The following PABIR3 variants were observed in gnomAD, a reference collection of about 807,000 sequenced individuals.
The protein encoded by PABIR3 is PABIR family member 1.
In PABIR3, 20 loss-of-function variants were observed where a neutral mutation model predicts 23.1. That is an observed-to-expected ratio of 0.86 (90% CI 0.61 to 1.26). The LOEUF (loss-of-function observed/expected upper bound fraction) is 1.26. Ranked by LOEUF, PABIR3 falls within the 50% of genes most tolerant of loss-of-function variation. The probability of loss-of-function intolerance (pLI) is 0.00; values close to 1 mark genes in which losing one functional copy is unlikely to be tolerated. For missense variants in PABIR3, 189 were observed against 195.4 expected (o/e 0.97, Z 0.20); for synonymous variants, 69 against 68.5 (o/e 1.01, Z -0.04).
At chrX:134,810,263 C>T in intron 2 of PABIR3, 1 of 754,145 alleles carries the variant, frequency 1.3e-6, no homozygotes, top group Non-Finnish European at 1.6e-6. Flanking sequence ...TCCCTTCATA[C>T]CTTGCTTTGT....
intron 4 of PABIR3, among the ~76,000 whole-genome samples, chrX:134,841,461 A>G (rs1048927149): frequency 2.7e-5 from 3 of 112,122 alleles, no homozygotes; most frequent in Non-Finnish European, 5.6e-5. Context: ...CTGTGCTATT[A>G]TGTGAATCAT....
Position 134,849,080 on chromosome X carries a change from A to G in PABIR3, c.528-87A>G. 3.4e-5 allele frequency: 12 copies of G among 348,857 alleles called. 1 individual carries two copies. The Admixed American group carries it at 6.3e-4, about 18-fold the overall frequency. The allele number at this position is 348,857 out of a possible 1,213,427, so 28.7% of individuals were successfully genotyped here. A position where few individuals can be genotyped will look rare whatever the true frequency, so the allele number is the denominator to read the frequency against. On this transcript the variant is annotated intron_variant, in intron 8 of 10. Coordinates refer to ENST00000645433, the MANE Select transcript of PABIR3 (RefSeq NM_001388447.1). ...CCTACACAGAGTCCCGTTTTTGTGTATGTCCTTAGATCTGTTATAATGAAA... is the reference window on the plus strand; with the variant it reads ...CCTACACAGAGTCCCGTTTTTGTGTGTGTCCTTAGATCTGTTATAATGAAA...
intron 4 of PABIR3, among the ~76,000 whole-genome samples, chrX:134,837,481 T>C (rs758086680): frequency 8.9e-6 from 1 of 112,352 alleles, no homozygotes; most frequent in East Asian, 2.8e-4. Flanking sequence ...GAGCAAAAGT[T>C]GGTAACTTAC....
At chrX:134,828,037 C>CTATATATA (rs1420655254) in intron 3 of PABIR3, among the ~76,000 whole-genome samples, 4 of 72,905 alleles carry the variant, frequency 5.5e-5, no homozygotes, top group African/African-American at 9.7e-5. Flanking sequence ...CTCTCTCTCT[C>CTATATATA]TCTCTCTCTC....
intron 4 of PABIR3, chrX:134,834,322 A>C (rs1430454432): frequency 8.9e-6 from 1 of 112,099 alleles, no homozygotes; most frequent in Non-Finnish European, 1.9e-5. Flanking sequence ...TCTTCTTTTG[A>C]GAAGTGTCTG....
At chrX:134,854,956 GT>G (rs1233723624), downstream of PABIR3, 1 of 111,798 alleles carries the variant, frequency 8.9e-6, no homozygotes, top group Non-Finnish European at 1.9e-5. Flanking sequence ...TATCACTTAC[GT>G]TTTATTCATC....
chrX:134,828,014 T>TCG (rs1856230125), intron 3 of PABIR3, among the ~76,000 whole-genome samples: 1 of 45,993 alleles, frequency 2.2e-5, no homozygotes, highest in Non-Finnish European at 3.8e-5. Flanking sequence ...CTCAGTGCTC[T>TCG]CTCTCTCTCT....
intron 4 of PABIR3, chrX:134,831,774 A>C (rs1360891626): frequency 2.7e-5 from 3 of 111,446 alleles, no homozygotes; most frequent in East Asian, 5.6e-4. Context: ...GTTATTTTTA[A>C]ATGTATAATT....
In PABIR3 at chrX:134,835,068, A is replaced by G. The variant is rs2081928432; in HGVS notation, c.246+5786A>G. 2.7e-5 allele frequency: 3 copies of G among 110,199 alleles called. No individual in the cohort carries two copies. In the Admixed American group the frequency reaches 2.9e-4, roughly 11 times the overall value. 9.1% of individuals were successfully genotyped at this position (110,199 alleles called of 1,213,427 possible). On this transcript the variant is annotated intron_variant, in intron 4 of 10. Transcript: ENST00000645433. ...TAAATAGTTTTTTTAATTTTTATTT[A>G]TTTATTTATTTAGACGGAGTCTTAC...
At position 134,800,254 on chromosome X, in the gene PABIR3, TCA is replaced by T. The variant is rs760717160; in HGVS notation, c.-98+3394_-98+3395del. The stretch of plus-strand genomic sequence containing the variant: ...AGGTGGAGGTTGCAGTGAGTTGAGA[TCA>T]CACCACGGCACTCCAGCCTGGGCAA... On this transcript the variant is annotated intron_variant, in intron 1 of 4. Coordinates refer to the PABIR3 transcript ENST00000414371. Among the ~76,000 whole-genome samples the T allele has an allele frequency of 6.3e-3, 639 of 102,106 alleles. 2 individuals are homozygous for T. The highest frequency in any genetic ancestry group is 0.023 in the African/African-American group (614 of 27,042). The allele number at this position is 102,106 out of a possible 115,157, so 88.7% of individuals were successfully genotyped here.
At chrX:134,817,196 CA>C (rs772478875) in intron 3 of PABIR3, among the ~76,000 whole-genome samples, 8 of 109,351 alleles carry the variant, frequency 7.3e-5, no homozygotes, top group Admixed American at 2.0e-4. Context: ...CAAACAAAAA[CA>C]AAAAAAAATA....
intron 1 of PABIR3, among the ~76,000 whole-genome samples, chrX:134,801,650 A>G (rs1344593988): frequency 8.9e-6 from 1 of 111,742 alleles, no homozygotes; most frequent in East Asian, 2.8e-4. Context: ...GATGGCAGTT[A>G]TCTGGAGGAG....
chrX:134,825,911 A>C (rs1016328041), intron 3 of PABIR3, among the ~76,000 whole-genome samples: 8 of 104,091 alleles, frequency 7.7e-5, no homozygotes, highest in African/African-American at 2.8e-4. Context: ...CCTGACCTCA[A>C]GTGATCTGCC....
In PABIR3 at chrX:134,821,811, G is replaced by A. The variant is rs765535581; in HGVS notation, c.189+6962G>A. ...CATCTTAAATCATTTCTGAAACTAG[G>A]CAGAGACATTTATAAACACAGTGTA... is the stretch of plus-strand genomic sequence containing the variant. On this transcript the variant is annotated intron_variant, in intron 3 of 10. Coordinates refer to ENST00000645433, the MANE Select transcript of PABIR3 (RefSeq NM_001388447.1). 5.8e-6 allele frequency: 5 copies of A among 869,365 alleles called. No homozygotes were observed. The South Asian group carries it at 1.7e-4, about 29-fold the overall frequency. 71.6% of individuals were successfully genotyped at this position (869,365 alleles called of 1,213,427 possible).
At chrX:134,857,231 G>A (rs191964840), downstream of PABIR3, among the ~76,000 whole-genome samples, 48 of 111,325 alleles carry the variant, frequency 4.3e-4, no homozygotes, top group Middle Eastern at 4.6e-3. Flanking sequence ...GGTTGCCTCC[G>A]GAAGCTCTGA....
chrX:134,832,981 G>A (rs1274040705), intron 4 of PABIR3: 1 of 110,801 alleles, frequency 9.0e-6, no homozygotes, highest in Admixed American at 9.7e-5. Context: ...TTTGAATGGC[G>A]TGTGATGTGA....
At chrX:134,796,717 G>T, upstream of PABIR3, 1 of 115,644 alleles carries the variant, frequency 8.6e-6, no homozygotes. Flanking sequence ...TCTGGGAAGA[G>T]GAGAGAGGAG....
downstream of PABIR3, among the ~76,000 whole-genome samples, chrX:134,856,188 ATT>A (rs150416913): frequency 1.0e-5 from 1 of 95,286 alleles, no homozygotes. Context: ...CTATTCAGTT[ATT>A]TTTTTTTTTT....
At position 134,824,140 on chromosome X, in the gene PABIR3, A is replaced by G. The variant is rs146282885; in HGVS notation, c.190-5086A>G. ...ATGGCAACAGCCTGAATGTCTAACA[A>G]TAGGGAATAGGTCAATCGAAAGAGC... On this transcript the variant is annotated intron_variant, in intron 3 of 10. Coordinates refer to ENST00000645433, the MANE Select transcript of PABIR3 (RefSeq NM_001388447.1). Among the ~76,000 whole-genome samples, 172 of 112,101 alleles carry G rather than the reference A, an allele frequency of 1.5e-3. 2 individuals are homozygous for G. The East Asian group carries it at 0.039, about 26-fold the overall frequency.
Sources: allele counts gnomAD v4.1 joint callset (sites outside exome capture counted in the v4.1 genomes callset), GRCh38; gene constraint gnomAD v4.1.1; transcripts MANE v1.5; gene names NCBI Gene and HGNC (gene_info 2026-07-23, HGNC 2026-07-21).